The following TACC1 variants were observed in gnomAD, a reference collection of about 807,000 sequenced individuals.
The protein encoded by TACC1 is transforming acidic coiled-coil containing protein 1, also known as transforming acidic coiled-coil-containing protein 1.
TACC1 carries 48 observed loss-of-function variants against 84.4 expected under a neutral mutation model. The ratio of observed to expected loss-of-function variants is 0.57; its 90% CI spans 0.45 to 0.72. The LOEUF (loss-of-function observed/expected upper bound fraction) is 0.72. Ranked by LOEUF, TACC1 falls within the 30% of genes least tolerant of loss-of-function variation. The pLI is 0.00. For synonymous variants in TACC1, 372 were observed against 376.3 expected (o/e 0.99, Z 0.13); for missense variants, 920 against 973.0 (o/e 0.95, Z 0.72).
chr8:38,836,123 T>G, intron 6 of TACC1, 39 bp from the exon 7 acceptor site: 1 of 1,608,522 alleles, frequency 6.2e-7, no homozygotes, highest in Non-Finnish European at 8.5e-7. Flanking sequence ...GTTAAGAAGC[T>G]GAAAGCTGAC....
chr8:38,778,971 GTTT>G (rs113257559), intron 3 of TACC1, among the ~76,000 whole-genome samples: 67 of 139,932 alleles, frequency 4.8e-4, no homozygotes, highest in Non-Finnish European at 7.1e-4. Flanking sequence ...GGGTCCTTGG[GTTT>G]TTTTTTTTTT....
upstream of TACC1, among the ~76,000 whole-genome samples, chr8:38,782,290 G>A (rs1179984551): frequency 3.3e-5 from 5 of 151,806 alleles, no homozygotes; most frequent in Non-Finnish European, 5.9e-5. Context: ...TTGTTCTTGC[G>A]ATAGTTTACT....
chr8:38,825,622 G>A (rs1268590481), intron 4 of TACC1, among the ~76,000 whole-genome samples: 1 of 152,102 alleles, frequency 6.6e-6, no homozygotes, highest in African/African-American at 2.4e-5. Flanking sequence ...TCACCACAGG[G>A]TGTGAAAGTC....
At chr8:38,790,531 A>G (rs1818398845) in intron 2 of TACC1, among the ~76,000 whole-genome samples, 1 of 152,184 alleles carries the variant, frequency 6.6e-6, no homozygotes, top group African/African-American at 2.4e-5. Context: ...CTGTTCCAGT[A>G]TCTGGCACTG....
chr8:38,825,351 C>T lies in TACC1; in HGVS notation c.1435C>T (p.Leu479=). Residue 479 remains leucine, a synonymous_variant, in exon 4 of 13, where the codon CTG becomes TTG. Transcript: ENST00000317827. ...GAAGCATGAAACTCAGTCTCTCGCCCTGGATGCATGTTCTCGGGTGAGTCT... is the reference window on the plus strand; with the variant it reads ...GAAGCATGAAACTCAGTCTCTCGCCTTGGATGCATGTTCTCGGGTGAGTCT... ...VKKHETQSLA[L]DACSRDEGAV... 6.2e-7 allele frequency: 1 copy of T among 1,614,114 alleles called. No individual in the cohort carries two copies.
chr8:38,837,931 G>A (rs924040562), intron 7 of TACC1, among the ~76,000 whole-genome samples: 5 of 152,200 alleles, frequency 3.3e-5, no homozygotes, highest in African/African-American at 4.8e-5. Context: ...CATAAGTGAC[G>A]GATGCTATAG....
At chr8:38,785,304 ACT>A (rs1484264938), upstream of TACC1, among the ~76,000 whole-genome samples, 1 of 151,980 alleles carries the variant, frequency 6.6e-6, no homozygotes, top group Non-Finnish European at 1.5e-5. Context: ...AGATTTCCAG[ACT>A]CTGCTGGCAA....
chr8:38,840,059 TAAAAAAAAAA>T, intron 8 of TACC1, 155 bp from the exon 9 acceptor site: 1 of 188,882 alleles, frequency 5.3e-6, no homozygotes, highest in Non-Finnish European at 9.8e-6. Context: ...TTATATAATG[TAAAAAAAAAA>T]AAAAAAAAAA....
intron 4 of TACC1, 84 bp from the exon 5 acceptor site, chr8:38,827,084 C>A: frequency 8.4e-7 from 1 of 1,189,350 alleles, no homozygotes; most frequent in East Asian, 2.3e-5. Context: ...GGAGTTGTGT[C>A]TACTTTGTTC....
chr8:38,729,425 G>A (rs889048048), intron 1 of TACC1, among the ~76,000 whole-genome samples: 1 of 152,178 alleles, frequency 6.6e-6, no homozygotes, highest in African/African-American at 2.4e-5. Context: ...CCCGGCAGTC[G>A]GTCTCTGGAA....
chr8:38,785,751 A>T (rs1817012903), upstream of TACC1: 1 of 983,628 alleles, frequency 1.0e-6, no homozygotes, highest in African/African-American at 1.7e-5. Context: ...GCATAAACCT[A>T]AAACTACAAC....
intron 3 of TACC1, 60 bp from the exon 4 acceptor site, chr8:38,825,248 T>A: frequency 6.4e-7 from 1 of 1,572,830 alleles, no homozygotes; most frequent in Non-Finnish European, 8.8e-7. Flanking sequence ...CTCCATTTCA[T>A]ACCTTGACAA....
In TACC1 at chr8:38,756,150, T is replaced by C. The variant is rs556253551; in HGVS notation, c.26+10657T>C. 9.2e-5 allele frequency among the ~76,000 whole-genome samples: 14 copies of C among 152,058 alleles called. No individual in the cohort carries two copies. The East Asian group carries it at 2.7e-3, about 29-fold the overall frequency. ...ATTATAAAATAAGATTGGTAAATGCTTCGTTAGCAGAGTTAACAAGTGCTA... is the reference window on the plus strand; with the variant it reads ...ATTATAAAATAAGATTGGTAAATGCCTCGTTAGCAGAGTTAACAAGTGCTA... On this transcript the variant is annotated intron_variant, in intron 3 of 14. Transcript: ENST00000518415.
intron 4 of TACC1, 147 bp from the exon 5 acceptor site, chr8:38,827,021 C>A: frequency 1.6e-6 from 1 of 641,978 alleles, no homozygotes; most frequent in Non-Finnish European, 2.7e-6. Context: ...AAGACTCCAA[C>A]TTCCTCCTTG....
chr8:38,819,954 C>T lies in TACC1; in HGVS notation c.710C>T (p.Pro237Leu), dbSNP rs1000551617. ...AAGCTGAGAAAGCCCAAGCCTGTCC[C>T]CCTGAGGAAGAAAGCAATTGGAGGA... ...RSKLRKPKPVPLRKKAIGGEF... is the reference protein window; with the variant it reads ...RSKLRKPKPVLLRKKAIGGEF... Residue 237 changes from proline to leucine, a missense_variant, in exon 3 of 13, where the codon CCC becomes CTC. Pro to Leu is a moderately conservative substitution (Grantham distance 98). This residue lies in a region of TACC1 where 762 missense variants were observed against 747.3 expected (regional missense o/e 1.02). Transcript: ENST00000317827. The T allele has an allele frequency of 2.5e-6, 4 of 1,614,142 alleles. No homozygotes were observed. Among genetic ancestry groups the T allele is most frequent in the Non-Finnish European group, 3.4e-6 (4 of 1,180,046 alleles).
At position 38,840,261 on chromosome 8, in the gene TACC1, A is replaced by G; in HGVS notation, c.1954A>G (p.Met652Val). 1 of 1,612,992 alleles carries G rather than the reference A, an allele frequency of 6.2e-7. No homozygotes were observed. ...TGAATATGAAAAGACTATTGCTCAA[A>G]TGATTGGTAAGGAGAACATTTTGTT... ...VAEYEKTIAQ[M>V]IEDEQRTSMT... is the part of the protein sequence containing the mutation. The change falls in exon 9 of 13, where the codon ATG becomes GTG. Residue 652 changes from methionine (M) to valine (V), a missense_variant. Coordinates refer to ENST00000317827, the MANE Select transcript of TACC1 (RefSeq NM_006283.3).
chr8:38,847,623 TTGAG>T (rs1832563481), intron 12 of TACC1, among the ~76,000 whole-genome samples: 1 of 152,202 alleles, frequency 6.6e-6, no homozygotes, highest in Non-Finnish European at 1.5e-5. Flanking sequence ...TGCTAATGGA[TTGAG>T]TGAGACCCAG....
At chr8:38,844,874 T>G (rs910699960) in intron 11 of TACC1, 7 of 152,370 alleles carry the variant, frequency 4.6e-5, no homozygotes, top group African/African-American at 1.7e-4. Context: ...TTTTTAATCC[T>G]TAAATCTAAT....
chr8:38,768,561 C>G (rs62505805), intron 3 of TACC1, among the ~76,000 whole-genome samples: 30,648 of 152,052 alleles, frequency 0.2, 3,615 homozygotes, highest in Non-Finnish European at 0.27. Flanking sequence ...CTCCTCCATC[C>G]TTGATAATTG....
Sources: gnomAD v4.1 joint callset for allele counts (sites outside exome capture counted in the v4.1 genomes callset) on GRCh38, gnomAD v4.1.1 for gene constraint, gnomAD v4.1.1 regional missense constraint, MANE v1.5 for transcripts, NCBI Gene and HGNC (gene_info 2026-07-23, HGNC 2026-07-21) for gene names.